SPTB: variants seen among roughly 807,000 people sequenced by gnomAD.
SPTB encodes the protein spectrin beta, erythrocytic.
A neutral mutation model predicts 256.2 loss-of-function variants in SPTB; 45 were observed. The ratio of observed to expected loss-of-function variants is 0.18; its 90% CI spans 0.14 to 0.23. The LOEUF is 0.23. SPTB is among the 10% of genes least tolerant of loss of function. The pLI, the probability that SPTB is intolerant of heterozygous loss-of-function variation, is 1.00. For missense variants in SPTB, 2,715 were observed against 3,040.4 expected, an observed-to-expected ratio of 0.89 and a Z score of 2.52; for synonymous variants, 1,231 against 1,243.1, an observed-to-expected ratio of 0.99 and a Z score of 0.21.
chr14:64,824,646 G>A lies in SPTB; in HGVS notation c.-51-1501C>T, dbSNP rs1417483638. Among the ~76,000 whole-genome samples, 1 of 152,110 alleles carries A rather than the reference G, an allele frequency of 6.6e-6. No individual in the cohort carries two copies. The highest frequency in any genetic ancestry group is 1.5e-5 in the Non-Finnish European group (1 of 68,022). On this transcript the variant is annotated intron_variant, in intron 1 of 35. Coordinates refer to ENST00000644917, the MANE Select transcript of SPTB (RefSeq NM_001355436.2). The surrounding 1 kb of genome is among the most constrained non-coding windows in gnomAD (Gnocchi z 5.7). ...GGGTTGACAGCCAGTGAGCTGTGAG[G>A]GAGACCACTCCCTCTGTGGGTGTGT...
intron 32 of SPTB, among the ~76,000 whole-genome samples, chr14:64,762,915 A>G (rs1169969814): frequency 6.6e-6 from 1 of 152,242 alleles, no homozygotes; most frequent in Non-Finnish European, 1.5e-5. Flanking sequence ...AAAGGTGATT[A>G]GGAGCACCAA....
At chr14:64,804,831 C>T in intron 3 of SPTB, 108 bp downstream of exon 3, 1 of 1,408,402 alleles carries the variant, frequency 7.1e-7, no homozygotes, top group Non-Finnish European at 1.0e-6. Flanking sequence ...CCCAAAGGAG[C>T]AGAGAGAAAA....
rs1284433525 is a variant in SPTB, at chr14:64,866,511, T to C, written c.-52+13281A>G. On this transcript the variant is annotated intron_variant, in intron 1 of 35. Coordinates refer to ENST00000644917, the MANE Select transcript of SPTB (RefSeq NM_001355436.2). The surrounding 1 kb of genome is among the most constrained non-coding windows in gnomAD (Gnocchi z 4.6). ...AGACCCCACCACATACTCAGAGGCC[T>C]CGTAGCTCCACTCACCGCCTCTGGA... is the stretch of plus-strand genomic sequence containing the variant. Among the ~76,000 whole-genome samples the C allele has an allele frequency of 1.3e-5, 2 of 152,138 alleles. No individual in the cohort carries two copies. The highest frequency in any genetic ancestry group is 2.9e-5 in the Non-Finnish European group (2 of 68,012).
Position 64,769,575 on chromosome 14 carries a change from T to C in SPTB, c.5937+15A>G, listed in dbSNP as rs1594755796. ...GAGACGGAGGAGCTCGCCTCCATCC[T>C]TGCAGTCCCCTCACCTCCTCTGAGG... On this transcript the variant is annotated intron_variant, in intron 28 of 35. Transcript: ENST00000644917. 10 of 1,613,606 alleles carry C rather than the reference T, an allele frequency of 6.2e-6. No individual in the cohort carries two copies. Among genetic ancestry groups the C allele is most frequent in the Non-Finnish European group, 8.5e-6 (10 of 1,179,966 alleles).
Position 64,830,768 on chromosome 14 carries a change from A to T in SPTB, c.-51-7623T>A, listed in dbSNP as rs573393455. 2.6e-5 allele frequency among the ~76,000 whole-genome samples: 4 copies of T among 151,888 alleles called. No individual in the cohort carries two copies. The South Asian group carries it at 6.2e-4, about 24-fold the overall frequency. On this transcript the variant is annotated intron_variant, in intron 1 of 35. Coordinates refer to ENST00000644917, the MANE Select transcript of SPTB (RefSeq NM_001355436.2). ...TGTAAGCTTTCAGCAGTACAGTCCA[A>T]TTCTAAGCCCTGCACCATTTGGTGC...
In SPTB at chr14:64,772,878, G is replaced by A. The variant is rs772761835; in HGVS notation, c.5255C>T (p.Ala1752Val). The A allele has an allele frequency of 1.2e-6, 2 of 1,609,258 alleles. No individual in the cohort carries two copies. The highest frequency in any genetic ancestry group is 2.7e-5 in the African/African-American group (2 of 74,834). ...IGQERVDNVNAFIERLIDAGH... is the reference protein window; with the variant it reads ...IGQERVDNVNVFIERLIDAGH... ...CGCGTCGATGAGTCGCTCGATGAAG[G>A]CATTCACATTGTCCACCCGCTCCTG... Residue 1752 changes from alanine to valine, a missense_variant, in exon 26 of 36, where the codon GCC (alanine) becomes GTC (valine). Physicochemically the swap from Ala to Val is moderately conservative, Grantham distance 64 (BLOSUM62 0). Coordinates refer to ENST00000644917, the MANE Select transcript of SPTB (RefSeq NM_001355436.2). This position sits in a 1 kb window ranked among gnomAD's most constrained non-coding sequence, Gnocchi z 5.4.
intron 33 of SPTB, among the ~76,000 whole-genome samples, chr14:64,750,843 C>A (rs2081935315): frequency 6.9e-6 from 1 of 145,046 alleles, no homozygotes; most frequent in African/African-American, 2.5e-5. Context: ...ATAATATTTA[C>A]ATATTTATTA....
chr14:64,811,734 A>G (rs1228607838), intron 2 of SPTB, among the ~76,000 whole-genome samples: 1 of 152,212 alleles, frequency 6.6e-6, no homozygotes, highest in Non-Finnish European at 1.5e-5. Context: ...CCAGTTTGTA[A>G]TTTTCCATAA....
At position 64,845,238 on chromosome 14, in the gene SPTB, G is replaced by T. The variant is rs917802824; in HGVS notation, c.-51-22093C>A. On this transcript the variant is annotated intron_variant, in intron 1 of 35. Transcript: ENST00000644917. This position sits in a 1 kb window ranked among gnomAD's most constrained non-coding sequence, Gnocchi z 4.8. ...ATGTGGACATCCTTATCAGAAAATA[G>T]CCACTTAGCAAGTTTTTTCCTTTGA... 6.6e-6 allele frequency among the ~76,000 whole-genome samples: 1 copy of T among 152,156 alleles called. No homozygotes were observed. Among genetic ancestry groups the T allele is most frequent in the Non-Finnish European group, 1.5e-5 (1 of 68,028 alleles).
At chr14:64,821,599 G>A (rs1014687067) in intron 2 of SPTB, among the ~76,000 whole-genome samples, 1 of 152,182 alleles carries the variant, frequency 6.6e-6, no homozygotes, top group African/African-American at 2.4e-5. Flanking sequence ...ATGGTTCCAA[G>A]TTTGGTTGGC....
At chr14:64,750,332 A>T in intron 33 of SPTB, 178 bp from the exon 34 acceptor site, 1 of 715,844 alleles carries the variant, frequency 1.4e-6, no homozygotes, top group Non-Finnish European at 2.2e-6. Flanking sequence ...GCTATTATTA[A>T]CATTTTATGT....
At position 64,759,401 on chromosome 14, in the gene SPTB, C is replaced by A. The variant is rs1327873626; in HGVS notation, c.6346-5608G>T. ...CCCAGCTCACCAGCTGAACCATCCA[C>A]CCATGCCAACCGTGGGCCCTGGGTC... On this transcript the variant is annotated intron_variant, in intron 32 of 35. Coordinates refer to ENST00000644917, the MANE Select transcript of SPTB (RefSeq NM_001355436.2). This position sits in a 1 kb window ranked among gnomAD's most constrained non-coding sequence, Gnocchi z 4.8. Among the ~76,000 whole-genome samples, 1 of 152,216 alleles carries A rather than the reference C, an allele frequency of 6.6e-6. No homozygotes were observed. The highest frequency in any genetic ancestry group is 1.5e-5 in the Non-Finnish European group (1 of 68,034).
At position 64,749,181 on chromosome 14, in the gene SPTB, CGGGGGCCCGGCCCGCG is replaced by C; in HGVS notation, c.*109_*124del. 8.2e-7 allele frequency: 1 copy of C among 1,225,346 alleles called. No individual in the cohort carries two copies. 75.9% of individuals were successfully genotyped at this position (1,225,346 alleles called of 1,614,324 possible). Reference sequence around the variant, plus strand: ...AGCTTTTGCAGTGCAGCGTGGGGCCCGGGGGCCCGGCCCGCGACTCGACTCATCTCGATTCGACCGG... The same window carrying C: ...AGCTTTTGCAGTGCAGCGTGGGGCCCACTCGACTCATCTCGATTCGACCGG... On this transcript the variant is annotated 3_prime_UTR_variant, in exon 36 of 36. Coordinates refer to ENST00000644917, the MANE Select transcript of SPTB (RefSeq NM_001355436.2). This position sits in a 1 kb window ranked among gnomAD's most constrained non-coding sequence, Gnocchi z 4.7.
intron 15 of SPTB, among the ~76,000 whole-genome samples, chr14:64,789,214 T>C (rs550646597): frequency 6.6e-6 from 1 of 152,066 alleles, no homozygotes; most frequent in South Asian, 2.1e-4. Flanking sequence ...TAGCTGGGTA[T>C]AGTAGTGTGC....
chr14:64,762,712 C>G (rs60895843), intron 32 of SPTB, among the ~76,000 whole-genome samples: 53 of 152,348 alleles, frequency 3.5e-4, no homozygotes, highest in African/African-American at 1.3e-3. Flanking sequence ...GGAAGAATGG[C>G]ATCTGTGAGC....
rs1205252633 is a variant in SPTB, at chr14:64,786,745, G to T, written c.3220C>A (p.Gln1074Lys). 1 of 1,614,110 alleles carries T rather than the reference G, an allele frequency of 6.2e-7. No individual in the cohort carries two copies. The highest frequency in any genetic ancestry group is 8.5e-7 in the Non-Finnish European group (1 of 1,180,020). ...TTCTGGGTGATGGAGAGCCAGGCCT[G>T]GAAGTCATCCAGATCCTGCAGGAAG... is the stretch of plus-strand genomic sequence containing the variant. ...QAFLQDLDDF[Q>K]AWLSITQKAV... The change falls in exon 16 of 36, where the codon CAG becomes AAG. Residue 1074 changes from glutamine to lysine, a missense_variant. This residue lies in a region of SPTB where 2,239 missense variants were observed against 2,384.4 expected (regional missense o/e 0.94). Transcript: ENST00000644917. This position sits in a 1 kb window ranked among gnomAD's most constrained non-coding sequence, Gnocchi z 5.6.
rs901983270 is a variant in SPTB, at chr14:64,749,174, TGGGGCCCG to T, written c.*124_*131del. ...CGAAGGCAGCTTTTGCAGTGCAGCGTGGGGCCCGGGGGCCCGGCCCGCGACTCGACTCA... is the reference window on the plus strand; with the variant it reads ...CGAAGGCAGCTTTTGCAGTGCAGCGTGGGGCCCGGCCCGCGACTCGACTCA... On this transcript the variant is annotated 3_prime_UTR_variant, in exon 36 of 36. Transcript: ENST00000644917. This position sits in a 1 kb window ranked among gnomAD's most constrained non-coding sequence, Gnocchi z 4.7. 8.9e-6 allele frequency: 10 copies of T among 1,122,586 alleles called. No homozygotes were observed. Among genetic ancestry groups the T allele is most frequent in the African/African-American group, 7.9e-5 (5 of 63,506 alleles). 69.5% of individuals were successfully genotyped at this position (1,122,586 alleles called of 1,614,324 possible).
At chr14:64,829,611 G>A (rs2083422055) in intron 1 of SPTB, among the ~76,000 whole-genome samples, 1 of 152,204 alleles carries the variant, frequency 6.6e-6, no homozygotes, top group South Asian at 2.1e-4. Context: ...TTGCTTAAAT[G>A]TGCTTCAGCA....
chr14:64,858,598 AG>A (rs1481798897), intron 1 of SPTB, among the ~76,000 whole-genome samples: 2 of 152,146 alleles, frequency 1.3e-5, no homozygotes, highest in Non-Finnish European at 2.9e-5. Flanking sequence ...CAGGGAGAGA[AG>A]GAAGGAAAAG....
Sources: gnomAD v4.1 joint callset for allele counts (sites outside exome capture counted in the v4.1 genomes callset) on GRCh38, gnomAD v4.1.1 for gene constraint, gnomAD v4.1.1 regional missense constraint, Gnocchi (gnomAD v3.1) non-coding constraint, MANE v1.5 for transcripts, NCBI Gene and HGNC (gene_info 2026-07-23, HGNC 2026-07-21) for gene names.